Variants in PRKCZ observed in about 807,000 individuals in gnomAD.
The protein encoded by PRKCZ is protein kinase C zeta, also known as protein kinase C zeta type.
A neutral mutation model predicts 79.5 loss-of-function variants in PRKCZ; 33 were observed. The ratio of observed to expected loss-of-function variants is 0.41; its 90% confidence interval spans 0.31 to 0.55. The LOEUF (loss-of-function observed/expected upper bound fraction) is 0.55, where lower values mean the gene tolerates loss of function less well. PRKCZ is among the 20% of genes least tolerant of loss of function. The pLI is 0.19. For missense variants in PRKCZ, 578 were observed against 813.5 expected (o/e 0.71, Z 3.52); for synonymous variants, 342 against 320.9 (o/e 1.07, Z -0.70).
intron 9 of PRKCZ, among the ~76,000 whole-genome samples, chr1:2,152,285 C>T (rs1236113185): frequency 6.6e-6 from 1 of 152,154 alleles, no homozygotes; most frequent in Non-Finnish European, 1.5e-5. Context: ...ATAATCCCAG[C>T]ACTTTGGGAG....
chr1:2,064,915 A>G (rs1182961926), intron 4 of PRKCZ, among the ~76,000 whole-genome samples: 1 of 152,216 alleles, frequency 6.6e-6, no homozygotes, highest in Non-Finnish European at 1.5e-5. Flanking sequence ...CAGGGATTGC[A>G]TTGGCTCTGT....
chr1:2,144,055 G>T, intron 5 of PRKCZ, 155 bp from the exon 6 acceptor site: 1 of 1,120,748 alleles, frequency 8.9e-7, no homozygotes, highest in Non-Finnish European at 1.2e-6. Context: ...TCAAGCTTGG[G>T]CAAGCCTGGC....
At chr1:2,064,075 G>C (rs985622416) in intron 4 of PRKCZ, among the ~76,000 whole-genome samples, 1 of 152,130 alleles carries the variant, frequency 6.6e-6, no homozygotes, top group Non-Finnish European at 1.5e-5. Flanking sequence ...TTGAACTCCC[G>C]ACCTCAAGTG....
chr1:2,130,826 C>T (rs1674805941), intron 4 of PRKCZ, among the ~76,000 whole-genome samples: 1 of 152,110 alleles, frequency 6.6e-6, no homozygotes, highest in Admixed American at 6.5e-5. Flanking sequence ...GGCACCATGG[C>T]CCAGCCGCGT....
Position 2,062,482 on chromosome 1 carries a change from C to CTT in PRKCZ, c.334+2908_334+2909dup, listed in dbSNP as rs61178553. Among the ~76,000 whole-genome samples the CTT allele has an allele frequency of 5.8e-3, 772 of 133,942 alleles. 33 individuals are homozygous for CTT. The East Asian group carries it at 0.1, about 17-fold the overall frequency. The allele number at this position is 133,942 out of a possible 152,430, so 87.9% of individuals were successfully genotyped here. ...ATAACATCTATTTTTGCCATCTTAA[C>CTT]TTTTTTTTTTTTTTTTTTGGCAGAG... On this transcript the variant is annotated intron_variant, in intron 4 of 17. Coordinates refer to ENST00000378567, the MANE Select transcript of PRKCZ (RefSeq NM_002744.6).
intron 4 of PRKCZ, among the ~76,000 whole-genome samples, chr1:2,119,486 T>A (rs3107150): frequency 0.97 from 147,659 of 152,316 alleles, 71,600 homozygotes; most frequent in East Asian, 1. Flanking sequence ...AAGTGCTGGG[T>A]TTACAGGCAT....
intron 4 of PRKCZ, among the ~76,000 whole-genome samples, chr1:2,105,402 CTTAT>C (rs1012336354): frequency 3.3e-5 from 5 of 152,132 alleles, no homozygotes; most frequent in Admixed American, 6.6e-5. Flanking sequence ...CACGTTAGGC[CTTAT>C]TTATTTATTT....
chr1:2,115,453 G>A (rs1670572618), intron 4 of PRKCZ, among the ~76,000 whole-genome samples: 1 of 152,218 alleles, frequency 6.6e-6, no homozygotes, highest in Non-Finnish European at 1.5e-5. Flanking sequence ...TCTGCCTCCA[G>A]TTATGTGGGG....
At chr1:2,064,627 A>G (rs1397944293) in intron 4 of PRKCZ, among the ~76,000 whole-genome samples, 1 of 152,214 alleles carries the variant, frequency 6.6e-6, no homozygotes, top group Non-Finnish European at 1.5e-5. Flanking sequence ...AAGACTCCCC[A>G]TTGGACTGCA....
chr1:2,081,639 G>C (rs1412946088), intron 4 of PRKCZ, among the ~76,000 whole-genome samples: 1 of 152,172 alleles, frequency 6.6e-6, no homozygotes, highest in African/African-American at 2.4e-5. Context: ...GCCCGGACTT[G>C]GTGGCGTGGT....
intron 9 of PRKCZ, among the ~76,000 whole-genome samples, chr1:2,154,587 C>T (rs1488529806): frequency 6.6e-6 from 1 of 152,192 alleles, no homozygotes; most frequent in African/African-American, 2.4e-5. Flanking sequence ...AGTCCCAGCT[C>T]CTCTGGAGGC....
At position 2,149,063 on chromosome 1, in the gene PRKCZ, A is replaced by C. The variant is rs565407082; in HGVS notation, c.687+139A>C. The C allele has an allele frequency of 2.3e-5, 21 of 917,778 alleles. No homozygotes were observed. The South Asian group carries it at 3.2e-4, about 14-fold the overall frequency. The allele number at this position is 917,778 out of a possible 1,614,324, so 56.9% of individuals were successfully genotyped here. On this transcript the variant is annotated intron_variant, in intron 8 of 17. Coordinates refer to ENST00000378567, the MANE Select transcript of PRKCZ (RefSeq NM_002744.6). The surrounding 1 kb of genome is among the most constrained non-coding windows in gnomAD (Gnocchi z 4.1). ...TGCTAACTAATCTTCACGGGTGTGGATGTCTAGAAGGAAGTCCTTATTCTT... is the reference window on the plus strand; with the variant it reads ...TGCTAACTAATCTTCACGGGTGTGGCTGTCTAGAAGGAAGTCCTTATTCTT...
intron 4 of PRKCZ, among the ~76,000 whole-genome samples, chr1:2,062,567 T>C (rs1660786646): frequency 6.6e-6 from 1 of 151,412 alleles, no homozygotes; most frequent in Non-Finnish European, 1.5e-5. Flanking sequence ...CTTGGCTTAC[T>C]ACTACTCTGC....
At chr1:2,162,851 G>C (rs903360904) in intron 10 of PRKCZ, among the ~76,000 whole-genome samples, 3 of 152,218 alleles carry the variant, frequency 2.0e-5, no homozygotes, top group African/African-American at 7.2e-5. Context: ...CTTGGTCTCT[G>C]CGTGGTAACT....
chr1:2,160,738 G>A (rs1179946760), intron 10 of PRKCZ, among the ~76,000 whole-genome samples: 1 of 152,162 alleles, frequency 6.6e-6, no homozygotes, highest in Non-Finnish European at 1.5e-5. Flanking sequence ...CCATGTGGGG[G>A]AGTCACCCCG....
intron 4 of PRKCZ, among the ~76,000 whole-genome samples, chr1:2,102,191 C>T (rs367688854): frequency 6.6e-6 from 1 of 152,146 alleles, no homozygotes; most frequent in Non-Finnish European, 1.5e-5. Flanking sequence ...TGGCCCTGCC[C>T]CGACCTCCAC....
Position 2,149,026 on chromosome 1 carries a change from G to C in PRKCZ, c.687+102G>C, listed in dbSNP as rs1679308108. 1 of 1,304,820 alleles carries C rather than the reference G, an allele frequency of 7.7e-7. No homozygotes were observed. The highest frequency in any genetic ancestry group is 1.1e-6 in the Non-Finnish European group (1 of 914,022). 80.8% of individuals were successfully genotyped at this position (1,304,820 alleles called of 1,614,324 possible). On this transcript the variant is annotated intron_variant, in intron 8 of 17. Coordinates refer to ENST00000378567, the MANE Select transcript of PRKCZ (RefSeq NM_002744.6). The surrounding 1 kb of genome is among the most constrained non-coding windows in gnomAD (Gnocchi z 4.1). ...GGAAATCTAGATGTGAAATAGACATGGTCCGGGGTGTTGCTAACTAATCTT... is the reference window on the plus strand; with the variant it reads ...GGAAATCTAGATGTGAAATAGACATCGTCCGGGGTGTTGCTAACTAATCTT...
At chr1:2,085,120 T>C (rs750825313) in intron 4 of PRKCZ, among the ~76,000 whole-genome samples, 1 of 151,410 alleles carries the variant, frequency 6.6e-6, no homozygotes, top group Non-Finnish European at 1.5e-5. Context: ...GCTCTGCGGG[T>C]AGGGGGCGAT....
chr1:2,162,578 C>T (rs1682529284), intron 10 of PRKCZ, among the ~76,000 whole-genome samples: 1 of 152,148 alleles, frequency 6.6e-6, no homozygotes, highest in Non-Finnish European at 1.5e-5. Flanking sequence ...CTCTTGAAGT[C>T]TTCATGTGGT....
Sources: gnomAD v4.1 joint callset for allele counts (sites outside exome capture counted in the v4.1 genomes callset) on GRCh38, gnomAD v4.1.1 for gene constraint, Gnocchi (gnomAD v3.1) non-coding constraint, MANE v1.5 for transcripts, NCBI Gene and HGNC (gene_info 2026-07-23, HGNC 2026-07-21) for gene names.